Variants in NRCAM observed in about 807,000 individuals in gnomAD.
The protein encoded by NRCAM is neuronal cell adhesion molecule.
In NRCAM, 83 loss-of-function variants were observed where a neutral mutation model predicts 156.5. The ratio of observed to expected loss-of-function variants is 0.53; its 90% CI spans 0.44 to 0.64. NRCAM has a LOEUF of 0.64. Ranked by LOEUF, NRCAM falls within the 30% of genes least tolerant of loss-of-function variation. The pLI, the probability that NRCAM is intolerant of heterozygous loss-of-function variation, is 0.00. For synonymous variants in NRCAM, 538 were observed against 563.9 expected (o/e 0.95, Z 0.65); for missense variants, 1,417 against 1,597.3 (o/e 0.89, Z 1.92).
At chr7:108,283,198 G>C (rs2097922552) in intron 3 of NRCAM, among the ~76,000 whole-genome samples, 1 of 152,202 alleles carries the variant, frequency 6.6e-6, no homozygotes, top group East Asian at 1.9e-4. Context: ...TGGGAAGTTG[G>C]TTTTAGAATT....
intron 3 of NRCAM, among the ~76,000 whole-genome samples, chr7:108,298,652 C>CAA (rs202220852): frequency 3.4e-5 from 5 of 146,720 alleles, no homozygotes; most frequent in Middle Eastern, 6.9e-3. Flanking sequence ...GACTCCATCT[C>CAA]AAAAAAAACC....
chr7:108,301,273 T>A (rs1260887651), intron 3 of NRCAM, among the ~76,000 whole-genome samples: 3 of 152,224 alleles, frequency 2.0e-5, no homozygotes, highest in African/African-American at 7.2e-5. Context: ...GATGCCAAAG[T>A]GTGTTATCTG....
chr7:108,282,460 C>T (rs2097897808), intron 3 of NRCAM, among the ~76,000 whole-genome samples: 1 of 152,192 alleles, frequency 6.6e-6, no homozygotes, highest in Admixed American at 6.5e-5. Flanking sequence ...TTACCTGGAA[C>T]TTGCTAAGAA....
chr7:108,406,332 CAAAG>C (rs984961004), intron 1 of NRCAM, among the ~76,000 whole-genome samples: 1 of 152,094 alleles, frequency 6.6e-6, no homozygotes, highest in African/African-American at 2.4e-5. Context: ...TAAGAACAGA[CAAAG>C]AAAGCGAGTG....
At chr7:108,199,874 C>T (rs990657347) in intron 13 of NRCAM, among the ~76,000 whole-genome samples, 3 of 152,168 alleles carry the variant, frequency 2.0e-5, no homozygotes, top group Admixed American at 1.3e-4. Context: ...ATTATTCTGT[C>T]TACCACATAC....
chr7:108,265,846 CCTT>C (rs1464511334), intron 3 of NRCAM, among the ~76,000 whole-genome samples: 1 of 152,110 alleles, frequency 6.6e-6, no homozygotes, highest in Non-Finnish European at 1.5e-5. Flanking sequence ...TTAATCATGC[CCTT>C]CTTATTTGCC....
intron 5 of NRCAM, among the ~76,000 whole-genome samples, chr7:108,234,999 A>G (rs1169702905): frequency 2.0e-5 from 3 of 152,188 alleles, no homozygotes; most frequent in Admixed American, 1.3e-4. Context: ...TGATGTAACA[A>G]TGAGAAATTC....
chr7:108,270,686 C>T (rs145478561), intron 3 of NRCAM, among the ~76,000 whole-genome samples: 1 of 152,266 alleles, frequency 6.6e-6, no homozygotes, highest in East Asian at 1.9e-4. Flanking sequence ...TATATGGTTT[C>T]CACATACAGT....
In NRCAM at chr7:108,223,839, G is replaced by C; in HGVS notation, c.779-3C>G. On this transcript the variant is annotated splice_region_variant and splice_polypyrimidine_tract_variant and intron_variant, in intron 10 of 32. Coordinates refer to ENST00000379028, the MANE Select transcript of NRCAM (RefSeq NM_001037132.4). The stretch of plus-strand genomic sequence containing the variant: ...TGGCCTCTCTCTACTTGATTTAGCT[G>C]CAAACAAGAAAATCAGTATGCATTA... 1 of 1,452,754 alleles carries C rather than the reference G, an allele frequency of 6.9e-7. No homozygotes were observed. 90.0% of individuals were successfully genotyped at this position (1,452,754 alleles called of 1,614,324 possible).
chr7:108,158,571 TTTTA>T (rs1259540995), intron 32 of NRCAM, among the ~76,000 whole-genome samples: 5 of 152,072 alleles, frequency 3.3e-5, no homozygotes, highest in Non-Finnish European at 7.4e-5. Flanking sequence ...TAGTGAAATA[TTTTA>T]TTTCACCTAA....
In NRCAM at chr7:108,168,331, C is replaced by T. The variant is rs182113726; in HGVS notation, c.3259G>A (p.Glu1087Lys). ...TTCACATGCTCTGGTCCCTCATATT[C>T]CCAACTGATATTGGCATAGGTCTCA... Reference protein sequence around the residue: ...AAETYANISWEYEGPEHVNFY... With the variant: ...AAETYANISWKYEGPEHVNFY... The change falls in exon 29 of 33, where the codon GAA becomes AAA. Residue 1087 changes from glutamate (E) to lysine (K), a missense_variant. Coordinates refer to ENST00000379028, the MANE Select transcript of NRCAM (RefSeq NM_001037132.4). The T allele has an allele frequency of 4.7e-4, 760 of 1,609,912 alleles. 2 individuals are homozygous for T. Among genetic ancestry groups the T allele is most frequent in the Middle Eastern group, 6.6e-4 (4 of 6,054 alleles).
chr7:108,204,942 C>T (rs1390387263), intron 13 of NRCAM, among the ~76,000 whole-genome samples: 1 of 152,122 alleles, frequency 6.6e-6, no homozygotes, highest in African/African-American at 2.4e-5. Flanking sequence ...ATTCTCCCCA[C>T]AAAAATGTAA....
At chr7:108,435,284 C>T (rs769193482) in intron 1 of NRCAM, among the ~76,000 whole-genome samples, 8 of 152,082 alleles carry the variant, frequency 5.3e-5, no homozygotes, top group Non-Finnish European at 1.2e-4. Flanking sequence ...TACAGGCACT[C>T]ATAGCAAATT....
intron 2 of NRCAM, among the ~76,000 whole-genome samples, chr7:108,362,265 T>C (rs2099557942): frequency 6.6e-6 from 1 of 152,202 alleles, no homozygotes; most frequent in Non-Finnish European, 1.5e-5. Flanking sequence ...TTCTGGGGTC[T>C]CTTTTATAAG....
intron 1 of NRCAM, among the ~76,000 whole-genome samples, chr7:108,423,019 GCAGGA>G (rs1812232702): frequency 6.6e-6 from 1 of 152,036 alleles, no homozygotes; most frequent in Non-Finnish European, 1.5e-5. Context: ...GGAAACCTAG[GCAGGA>G]TGTGAAATAG....
chr7:108,267,257 G>A (rs1406280514), intron 3 of NRCAM, among the ~76,000 whole-genome samples: 1 of 152,194 alleles, frequency 6.6e-6, no homozygotes, highest in African/African-American at 2.4e-5. Flanking sequence ...GGAACAAAGG[G>A]CAACCAGTGC....
chr7:108,405,448 C>A (rs1387820677), intron 1 of NRCAM, among the ~76,000 whole-genome samples: 1 of 152,174 alleles, frequency 6.6e-6, no homozygotes, highest in Non-Finnish European at 1.5e-5. Flanking sequence ...CCTCTTTGAA[C>A]CCTCACAATA....
At chr7:108,385,600 C>G (rs2099737962) in intron 2 of NRCAM, among the ~76,000 whole-genome samples, 1 of 152,082 alleles carries the variant, frequency 6.6e-6, no homozygotes, top group Admixed American at 6.6e-5. Flanking sequence ...AGAAATAATC[C>G]TACATGTTAG....
At chr7:108,188,397 G>A (rs112361687) in intron 20 of NRCAM, among the ~76,000 whole-genome samples, 7 of 151,306 alleles carry the variant, frequency 4.6e-5, no homozygotes, top group African/African-American at 1.5e-4. Context: ...GTGTGTGTGT[G>A]TGTATATATA....
Sources: allele counts gnomAD v4.1 joint callset (sites outside exome capture counted in the v4.1 genomes callset), GRCh38; gene constraint gnomAD v4.1.1; transcripts MANE v1.5; gene names NCBI Gene and HGNC (gene_info 2026-07-23, HGNC 2026-07-21).